The following CACNA2D3 variants were observed in gnomAD, a reference collection of about 807,000 sequenced individuals.
CACNA2D3 encodes calcium voltage-gated channel auxiliary subunit alpha2delta 3.
In CACNA2D3, 60 loss-of-function variants were observed where a neutral mutation model predicts 160.6. That is an observed-to-expected ratio of 0.37 (90% CI 0.30 to 0.46). CACNA2D3 has a LOEUF of 0.46. Among genes scored for constraint, CACNA2D3 ranks in the 20% least tolerant of loss-of-function variants. The pLI is 1.00. For missense variants in CACNA2D3, 1,205 were observed against 1,365.0 expected (o/e 0.88, Z 1.85); for synonymous variants, 558 against 492.9 (o/e 1.13, Z -1.75).
chr3:54,179,514 C>T (rs552554255), intron 2 of CACNA2D3, among the ~76,000 whole-genome samples: 12 of 152,260 alleles, frequency 7.9e-5, no homozygotes, highest in East Asian at 1.9e-4. Context: ...GTGGAGGAAA[C>T]GCGTAATTGG....
At chr3:54,627,129 CTGTG>C (rs760789875) in intron 9 of CACNA2D3, among the ~76,000 whole-genome samples, 31 of 152,290 alleles carry the variant, frequency 2.0e-4, no homozygotes, top group Admixed American at 8.5e-4. Context: ...TGAGCCCCTT[CTGTG>C]TGTATTACGC....
At chr3:54,408,331 C>T (rs1045871818) in intron 4 of CACNA2D3, among the ~76,000 whole-genome samples, 11 of 152,026 alleles carry the variant, frequency 7.2e-5, no homozygotes, top group African/African-American at 2.4e-4. Flanking sequence ...TCGTAATTTT[C>T]CACAAATGCA....
At chr3:54,783,639 AAAAT>A (rs1284227086) in intron 13 of CACNA2D3, among the ~76,000 whole-genome samples, 4 of 151,998 alleles carry the variant, frequency 2.6e-5, no homozygotes, top group East Asian at 1.9e-4. Flanking sequence ...AATAAAAATA[AAAAT>A]AAATAATGAA....
chr3:54,437,281 T>C (rs1386958935), intron 4 of CACNA2D3, among the ~76,000 whole-genome samples: 1 of 152,236 alleles, frequency 6.6e-6, no homozygotes, highest in Non-Finnish European at 1.5e-5. Flanking sequence ...CATTTTTCTG[T>C]CCCTTTATTG....
intron 11 of CACNA2D3, among the ~76,000 whole-genome samples, chr3:54,663,051 T>A (rs140826298): frequency 6.6e-6 from 1 of 152,216 alleles, no homozygotes; most frequent in African/African-American, 2.4e-5. Flanking sequence ...GGGATAAAAT[T>A]ATTGAGGAGA....
At chr3:54,562,681 A>G (rs185449630) in intron 5 of CACNA2D3, 119 bp from the exon 6 acceptor site, 202 of 826,174 alleles carry the variant, frequency 2.4e-4, no homozygotes, top group African/African-American at 2.2e-3. Flanking sequence ...AACTTCCTTC[A>G]TAGCCTCCTG....
chr3:54,736,095 A>G lies in CACNA2D3; in HGVS notation c.1168-16504A>G, dbSNP rs1327396092. On this transcript the variant is annotated intron_variant, in intron 11 of 37. Transcript: ENST00000474759. ...TATACATATATATGTATGTGTATAT[A>G]TATACATATATATGTATATATATAC... Among the ~76,000 whole-genome samples the G allele has an allele frequency of 1.3e-4, 2 of 15,582 alleles. 1 individual carries two copies. The highest frequency in any genetic ancestry group is 1.2e-3 in the Admixed American group (2 of 1,672). 10.2% of individuals were successfully genotyped at this position (15,582 alleles called of 152,430 possible). A position where few individuals can be genotyped will look rare whatever the true frequency, so the allele number is the denominator to read the frequency against.
chr3:54,781,386 T>G (rs957818540), intron 13 of CACNA2D3, among the ~76,000 whole-genome samples: 16 of 152,236 alleles, frequency 1.1e-4, no homozygotes, highest in African/African-American at 3.9e-4. Context: ...ACTCAGAATG[T>G]GTGGGCTTGA....
chr3:55,012,057 G>A (rs959793118), intron 34 of CACNA2D3, among the ~76,000 whole-genome samples: 1 of 152,234 alleles, frequency 6.6e-6, no homozygotes, highest in Non-Finnish European at 1.5e-5. Context: ...CAGACTGTGA[G>A]CTCTGAGAGG....
chr3:54,254,326 C>T (rs1488679254), intron 2 of CACNA2D3, among the ~76,000 whole-genome samples: 4 of 152,142 alleles, frequency 2.6e-5, no homozygotes, highest in Non-Finnish European at 4.4e-5. Context: ...GTGCTTCCTC[C>T]CTACTTGTCC....
intron 17 of CACNA2D3, among the ~76,000 whole-genome samples, chr3:54,866,329 G>A (rs1699400168): frequency 6.6e-6 from 1 of 152,170 alleles, no homozygotes; most frequent in African/African-American, 2.4e-5. Context: ...CTCCTGAAAT[G>A]GTCCCTTGAG....
chr3:54,126,671 A>G (rs898082420), intron 2 of CACNA2D3, among the ~76,000 whole-genome samples: 17 of 152,074 alleles, frequency 1.1e-4, no homozygotes, highest in African/African-American at 4.1e-4. Context: ...AGATTGTGGG[A>G]CTTGTCTGTG....
chr3:54,208,746 C>T (rs74283929), intron 2 of CACNA2D3, among the ~76,000 whole-genome samples: 1 of 149,816 alleles, frequency 6.7e-6, no homozygotes, highest in African/African-American at 2.5e-5. Flanking sequence ...ATTAAAAAAC[C>T]TTTTTTTTTT....
chr3:54,993,885 A>AGTGTGTGTGTGTGT (rs34012508), intron 31 of CACNA2D3, among the ~76,000 whole-genome samples: 25 of 111,544 alleles, frequency 2.2e-4, no homozygotes, highest in African/African-American at 8.1e-4. Flanking sequence ...TGCAACTGCT[A>AGTGTGTGTGTGTGT]GTGTGTGTGT....
At chr3:54,713,533 T>G (rs1700993515) in intron 11 of CACNA2D3, among the ~76,000 whole-genome samples, 1 of 152,198 alleles carries the variant, frequency 6.6e-6, no homozygotes, top group Admixed American at 6.5e-5. Context: ...ACCCTGGAGT[T>G]GAAATTCCTC....
chr3:54,129,086 A>T (rs1699654190), intron 2 of CACNA2D3, among the ~76,000 whole-genome samples: 1 of 140,620 alleles, frequency 7.1e-6, no homozygotes, highest in Admixed American at 7.0e-5. Flanking sequence ...GAAGAGGAGG[A>T]TGCTTGATTT....
intron 3 of CACNA2D3, among the ~76,000 whole-genome samples, chr3:54,337,083 GAC>G: frequency 6.6e-6 from 1 of 152,162 alleles, no homozygotes; most frequent in Admixed American, 6.5e-5. Flanking sequence ...GACATAGACA[GAC>G]AGACAGACAG....
chr3:54,788,103 T>A (rs1455316547), intron 13 of CACNA2D3, among the ~76,000 whole-genome samples: 1 of 152,216 alleles, frequency 6.6e-6, no homozygotes. Flanking sequence ...TACATTTCCT[T>A]ATTAATTAGC....
intron 4 of CACNA2D3, among the ~76,000 whole-genome samples, chr3:54,463,633 A>G (rs1175576571): frequency 1.3e-5 from 2 of 152,074 alleles, no homozygotes; most frequent in Admixed American, 6.6e-5. Context: ...CAGCTCCTTT[A>G]AGCACTTCTC....
Sources: allele counts gnomAD v4.1 joint callset (sites outside exome capture counted in the v4.1 genomes callset), GRCh38; gene constraint gnomAD v4.1.1; transcripts MANE v1.5; gene names NCBI Gene and HGNC (gene_info 2026-07-23, HGNC 2026-07-21).